Variants in SSRP1 observed in about 807,000 individuals in gnomAD.
The protein encoded by SSRP1 is structure specific recognition protein 1, also known as FACT complex subunit SSRP1.
A neutral mutation model predicts 84.4 loss-of-function variants in SSRP1; 21 were observed. The observed-to-expected ratio is 0.25, with a 90% CI of 0.18 to 0.36. The LOEUF is 0.36. SSRP1 is among the 10% of genes least tolerant of loss of function. The pLI, the probability that SSRP1 is intolerant of heterozygous loss-of-function variation, is 1.00. For synonymous variants in SSRP1, 319 were observed against 318.3 expected (o/e 1.00, Z -0.02); for missense variants, 519 against 900.8 (o/e 0.58, Z 5.43).
At position 57,330,479 on chromosome 11, in the gene SSRP1, T is replaced by C. The variant is rs1413888520; in HGVS notation, c.1297-50A>G. The stretch of plus-strand genomic sequence containing the variant: ...GGGCCAACTCACCCTCGAGCCAGAA[T>C]CCCTGCACACTCAAAAGCACACCCC... On this transcript the variant is annotated intron_variant, in intron 10 of 16. Coordinates refer to ENST00000278412, the MANE Select transcript of SSRP1 (RefSeq NM_003146.3). This position sits in a 1 kb window ranked among gnomAD's most constrained non-coding sequence, Gnocchi z 4.0. 1.9e-6 allele frequency: 3 copies of C among 1,606,568 alleles called. No homozygotes were observed.
chr11:57,330,545 G>A lies in SSRP1; in HGVS notation c.1297-116C>T. 1.3e-6 allele frequency: 2 copies of A among 1,499,188 alleles called. No individual in the cohort carries two copies. The highest frequency in any genetic ancestry group is 2.3e-5 in the East Asian group (1 of 42,606). 92.9% of individuals were successfully genotyped at this position (1,499,188 alleles called of 1,614,324 possible). On this transcript the variant is annotated intron_variant, in intron 10 of 16. Coordinates refer to ENST00000278412, the MANE Select transcript of SSRP1 (RefSeq NM_003146.3). The surrounding 1 kb of genome is among the most constrained non-coding windows in gnomAD (Gnocchi z 4.0). ...AGAGCAGCAGCTCCCAGAAGACCTG[G>A]GGCTGGATTGTCCACACACAGCCAA...
At chr11:57,334,102 G>A (rs745803336) in intron 3 of SSRP1, among the ~76,000 whole-genome samples, 4 of 152,184 alleles carry the variant, frequency 2.6e-5, no homozygotes, top group African/African-American at 7.2e-5. Flanking sequence ...GCAGTAATCC[G>A]AGATTGCGCC....
In SSRP1 at chr11:57,333,147, G is replaced by C. The variant is rs144234860; in HGVS notation, c.349C>G (p.Gln117Glu). Residue 117 changes from glutamine to glutamate, a missense_variant and splice_region_variant, in exon 5 of 17, where the codon CAG (glutamine) becomes GAG (glutamate). Around this residue, in one of 7 missense-constraint regions of SSRP1, gnomAD observed 159 missense variants for 359.0 expected, o/e 0.44. Coordinates refer to ENST00000278412, the MANE Select transcript of SSRP1 (RefSeq NM_003146.3). ...WNWGTVKFGG[Q>E]LLSFDIGDQP... The stretch of plus-strand genomic sequence containing the variant: ...TCACCAATGTCAAAGGAAAGCAGCT[G>C]CCCTGTGAGGAAAGGGCTTATCCAG... The C allele has an allele frequency of 6.2e-7, 1 of 1,606,436 alleles. No homozygotes were observed. The highest frequency in any genetic ancestry group is 1.3e-5 in the African/African-American group (1 of 74,812).
At chr11:57,334,435 G>A (rs1025184420) in intron 3 of SSRP1, 28 bp downstream of exon 3, 2 of 1,604,028 alleles carry the variant, frequency 1.2e-6, no homozygotes, top group Admixed American at 3.4e-5. Flanking sequence ...GCAGTAAAAA[G>A]GAGGCTTATA....
chr11:57,334,448 C>A lies in SSRP1; in HGVS notation c.240+15G>T, dbSNP rs969589579. The A allele has an allele frequency of 6.2e-7, 1 of 1,612,754 alleles. No individual in the cohort carries two copies. Among genetic ancestry groups the A allele is most frequent in the African/African-American group, 1.3e-5 (1 of 75,002 alleles). ...ATGCAGTAAAAAGGAGGCTTATAGC[C>A]ATGGGACATCTCACCGATTCTCGGA... On this transcript the variant is annotated intron_variant, in intron 3 of 16. Coordinates refer to ENST00000278412, the MANE Select transcript of SSRP1 (RefSeq NM_003146.3).
intron 9 of SSRP1, 86 bp from the exon 10 acceptor site, chr11:57,331,013 G>A (rs951293359): frequency 2.2e-5 from 32 of 1,466,750 alleles, no homozygotes; most frequent in African/African-American, 4.2e-5. Context: ...ATGAGCTGGG[G>A]TAGACTGTGG....
Position 57,333,438 on chromosome 11 carries a change from C to A in SSRP1, c.343G>T (p.Gly115Cys), listed in dbSNP as rs746225913. ...KGWNWGTVKF[G>C]GQLLSFDIGD... Reference sequence around the variant, plus strand: ...CTCAGTCTTCCCCAGGACTCACCACCAAATTTCACTGTCCCCCAGTTCCAG... The same window carrying A: ...CTCAGTCTTCCCCAGGACTCACCACAAAATTTCACTGTCCCCCAGTTCCAG... The change falls in exon 4 of 17, where the codon GGT (glycine) becomes TGT (cysteine). Residue 115 changes from glycine (G) to cysteine (C), a missense_variant. Around this residue, in one of 7 missense-constraint regions of SSRP1, gnomAD observed 159 missense variants for 359.0 expected, o/e 0.44. Coordinates refer to ENST00000278412, the MANE Select transcript of SSRP1 (RefSeq NM_003146.3). The A allele has an allele frequency of 9.3e-6, 15 of 1,613,714 alleles. No individual in the cohort carries two copies. The African/African-American group carries it at 2.0e-4, about 22-fold the overall frequency.
At position 57,327,692 on chromosome 11, in the gene SSRP1, C is replaced by T; in HGVS notation, c.1782+20G>A. On this transcript the variant is annotated intron_variant, in intron 14 of 16. Coordinates refer to ENST00000278412, the MANE Select transcript of SSRP1 (RefSeq NM_003146.3). ...TCGCCAGCCCATGAGAGGCATCACC[C>T]CTCCTCTGCTGCTACTCACCTCTTT... 1.2e-6 allele frequency: 2 copies of T among 1,613,084 alleles called. No individual in the cohort carries two copies. Among genetic ancestry groups the T allele is most frequent in the Non-Finnish European group, 1.7e-6 (2 of 1,179,240 alleles).
chr11:57,327,007 G>C, intron 15 of SSRP1, 118 bp from the exon 16 acceptor site: 1 of 1,438,014 alleles, frequency 7.0e-7, no homozygotes, highest in Non-Finnish European at 9.1e-7. Context: ...ATTTCACTCT[G>C]AACGTAAATA....
At chr11:57,333,820 T>G (rs566061992) in intron 3 of SSRP1, among the ~76,000 whole-genome samples, 2 of 152,252 alleles carry the variant, frequency 1.3e-5, no homozygotes, top group East Asian at 3.9e-4. Context: ...AGCCTTTAAC[T>G]CAAGCAGTTC....
intron 2 of SSRP1, 29 bp from the exon 3 acceptor site, chr11:57,334,677 G>A (rs745666335): frequency 6.2e-7 from 1 of 1,611,832 alleles, no homozygotes; most frequent in Non-Finnish European, 8.5e-7. Flanking sequence ...CAGATGCATG[G>A]AGACAGTACA....
At chr11:57,331,627 G>T in intron 9 of SSRP1, 41 bp downstream of exon 9, 1 of 1,549,530 alleles carries the variant, frequency 6.5e-7, no homozygotes, top group Non-Finnish European at 8.9e-7. Context: ...AAGCTGGCTC[G>T]GGACCAGGAT....
chr11:57,335,404 T>A lies in SSRP1; in HGVS notation c.-119-164A>T. 2.5e-6 allele frequency: 1 copy of A among 396,494 alleles called. No homozygotes were observed. The highest frequency in any genetic ancestry group is 4.8e-6 in the Non-Finnish European group (1 of 207,876). 24.6% of individuals were successfully genotyped at this position (396,494 alleles called of 1,614,324 possible). On this transcript the variant is annotated intron_variant, in intron 1 of 16. Coordinates refer to ENST00000278412, the MANE Select transcript of SSRP1 (RefSeq NM_003146.3). The surrounding 1 kb of genome is among the most constrained non-coding windows in gnomAD (Gnocchi z 4.6). ...GTGCCCGAGGGTCCAGGTCCAGGCCTGGGTGGAGAACCGGGCCCGGAATAC... is the reference window on the plus strand; with the variant it reads ...GTGCCCGAGGGTCCAGGTCCAGGCCAGGGTGGAGAACCGGGCCCGGAATAC...
rs200419163 is a variant in SSRP1, at chr11:57,327,380, A to C, written c.1871+46T>G. ...AACTTCGGCCTGTTAAAAAAAAAAA[A>C]GTCTGCCACAAAAATCAGTGACTGG... is the stretch of plus-strand genomic sequence containing the variant. On this transcript the variant is annotated intron_variant, in intron 15 of 16. Coordinates refer to ENST00000278412, the MANE Select transcript of SSRP1 (RefSeq NM_003146.3). The C allele has an allele frequency of 5.4e-4, 834 of 1,558,032 alleles. 7 individuals are homozygous for C. The African/African-American group carries it at 9.0e-3, about 17-fold the overall frequency.
chr11:57,326,803 G>A lies in SSRP1; in HGVS notation c.1958C>T (p.Ser653Leu), dbSNP rs1348619573. 1 of 1,614,242 alleles carries A rather than the reference G, an allele frequency of 6.2e-7. No individual in the cohort carries two copies. Among genetic ancestry groups the A allele is most frequent in the Non-Finnish European group, 8.5e-7 (1 of 1,180,046 alleles). The change falls in exon 16 of 17, where the codon TCA (serine) becomes TTA (leucine). Residue 653 changes from serine (S) to leucine (L), a missense_variant. Ser to Leu is a moderately radical substitution (Grantham distance 145, BLOSUM62 -2). Coordinates refer to ENST00000278412, the MANE Select transcript of SSRP1 (RefSeq NM_003146.3). ...PSRGSSSKSS[S>L]RQLSESFKSK... ...CTTGAAGCTCTCGCTTAGCTGCCTT[G>A]AGGACGACTTGGATGATGAGCCCCT...
In SSRP1 at chr11:57,335,021, C is replaced by T. The variant is rs764874831; in HGVS notation, c.54+47G>A. 14 of 1,605,644 alleles carry T rather than the reference C, an allele frequency of 8.7e-6. No individual in the cohort carries two copies. The highest frequency in any genetic ancestry group is 6.8e-6 in the Non-Finnish European group (8 of 1,172,832). ...TCTCATTAATGGACAAAAACTCTAC[C>T]CTCCTTCCTTCTCTCTACTTGTATC... On this transcript the variant is annotated intron_variant, in intron 2 of 16. Coordinates refer to ENST00000278412, the MANE Select transcript of SSRP1 (RefSeq NM_003146.3). This position sits in a 1 kb window ranked among gnomAD's most constrained non-coding sequence, Gnocchi z 4.6.
intron 3 of SSRP1, among the ~76,000 whole-genome samples, chr11:57,334,190 C>G (rs1856156773): frequency 6.6e-6 from 1 of 152,182 alleles, no homozygotes; most frequent in African/African-American, 2.4e-5. Context: ...ACAAAGAAAT[C>G]AAGCTAAGAT....
At chr11:57,333,236 C>A in intron 4 of SSRP1, 87 bp from the exon 5 acceptor site, 4 of 1,434,224 alleles carry the variant, frequency 2.8e-6, no homozygotes, top group Non-Finnish European at 1.9e-6. Context: ...TCCACAGAGA[C>A]AGGATACTGC....
intron 3 of SSRP1, among the ~76,000 whole-genome samples, 162 bp downstream of exon 3, chr11:57,334,301 C>G (rs910436357): frequency 2.0e-5 from 3 of 152,234 alleles, no homozygotes; most frequent in Non-Finnish European, 4.4e-5. Flanking sequence ...AAGACTTCAA[C>G]GCTCAAAGCC....
Sources: gnomAD v4.1 joint callset for allele counts (sites outside exome capture counted in the v4.1 genomes callset) on GRCh38, gnomAD v4.1.1 for gene constraint, gnomAD v4.1.1 regional missense constraint, Gnocchi (gnomAD v3.1) non-coding constraint, MANE v1.5 for transcripts, NCBI Gene and HGNC (gene_info 2026-07-23, HGNC 2026-07-21) for gene names.